The following AFG2A variants were observed in gnomAD, a reference collection of about 807,000 sequenced individuals.
AFG2A encodes the protein ATPase family gene 2 protein homolog A.
chr4:123,090,489 T>A, the AFG2A span: 3 of 1,391,370 alleles, frequency 2.2e-6, no homozygotes, highest in Non-Finnish European at 1.9e-6. Flanking sequence ...TGATTTCTCT[T>A]GTTATAGACT....
the AFG2A span, among the ~76,000 whole-genome samples, chr4:123,219,267 A>G: frequency 6.6e-6 from 1 of 152,248 alleles, no homozygotes; most frequent in Non-Finnish European, 1.5e-5. Context: ...CGTCTGACAC[A>G]GGTAGAAAGA....
At chr4:123,263,865 A>G in the AFG2A span, among the ~76,000 whole-genome samples, 1 of 152,164 alleles carries the variant, frequency 6.6e-6, no homozygotes, top group Admixed American at 6.5e-5. Flanking sequence ...GCTAGTATCT[A>G]CCCAGAGGAA....
the AFG2A span, among the ~76,000 whole-genome samples, chr4:123,145,831 A>T: frequency 6.6e-6 from 1 of 152,102 alleles, no homozygotes. Flanking sequence ...TGAAAACTGG[A>T]CTACGAACTT....
the AFG2A span, among the ~76,000 whole-genome samples, chr4:123,039,041 G>C: frequency 0.012 from 1,843 of 152,036 alleles, 42 homozygotes; most frequent in African/African-American, 0.041. Context: ...ATTGTACTTA[G>C]CAGAGAAAAA....
chr4:123,021,327 A>G, the AFG2A span, among the ~76,000 whole-genome samples: 5 of 151,820 alleles, frequency 3.3e-5, no homozygotes, highest in Non-Finnish European at 2.9e-5. Context: ...GAAGACAACA[A>G]GGTATATCTA....
chr4:123,143,819 A>G, the AFG2A span, among the ~76,000 whole-genome samples: 1 of 134,624 alleles, frequency 7.4e-6, no homozygotes. Flanking sequence ...GGATATGCAT[A>G]AACTTCTCTC....
At chr4:122,934,050 G>T in the AFG2A span, 1 of 1,496,512 alleles carries the variant, frequency 6.7e-7, no homozygotes, top group Non-Finnish European at 8.9e-7. Context: ...CATTAAACTG[G>T]TAAAAAAAAT....
chr4:122,998,659 G>A, the AFG2A span, among the ~76,000 whole-genome samples: 1 of 152,092 alleles, frequency 6.6e-6, no homozygotes, highest in African/African-American at 2.4e-5. Flanking sequence ...TTTTATGGCT[G>A]CATAGTATTC....
the AFG2A span, among the ~76,000 whole-genome samples, chr4:123,143,497 C>G: frequency 1.3e-5 from 2 of 151,982 alleles, no homozygotes; most frequent in Admixed American, 6.6e-5. Context: ...ATATATGGCT[C>G]TTATCCATTG....
chr4:123,185,320 G>A, the AFG2A span, among the ~76,000 whole-genome samples: 4 of 151,676 alleles, frequency 2.6e-5, no homozygotes, highest in Admixed American at 6.6e-5. Context: ...AGTATTCAAA[G>A]GTTCATAACA....
At chr4:123,318,316 G>A in the AFG2A span, 23 of 152,300 alleles carry the variant, frequency 1.5e-4, no homozygotes, top group African/African-American at 5.1e-4. Context: ...TTATGTCTGG[G>A]AATAAGACAT....
the AFG2A span, among the ~76,000 whole-genome samples, chr4:122,957,926 G>A: frequency 6.6e-6 from 1 of 152,172 alleles, no homozygotes; most frequent in African/African-American, 2.4e-5. Flanking sequence ...TATTTGATTA[G>A]TTGAAGAATA....
the AFG2A span, among the ~76,000 whole-genome samples, chr4:123,069,552 C>CCTT: frequency 6.6e-6 from 1 of 152,054 alleles, no homozygotes; most frequent in South Asian, 2.1e-4. Context: ...TTCAAGAAAC[C>CCTT]AAAGAAATAC....
chr4:123,169,870 G>A, the AFG2A span, among the ~76,000 whole-genome samples: 5 of 152,130 alleles, frequency 3.3e-5, no homozygotes, highest in Non-Finnish European at 7.4e-5. Flanking sequence ...ATAGATAAAC[G>A]TAACAGAGAG....
chr4:122,950,168 C>T, the AFG2A span, among the ~76,000 whole-genome samples: 2 of 152,096 alleles, frequency 1.3e-5, no homozygotes, highest in Non-Finnish European at 2.9e-5. Flanking sequence ...TGGTAAGCAG[C>T]GTGTCCACAG....
At chr4:123,163,860 C>T in the AFG2A span, among the ~76,000 whole-genome samples, 1 of 152,124 alleles carries the variant, frequency 6.6e-6, no homozygotes, top group Non-Finnish European at 1.5e-5. Context: ...TGTCCAGGCA[C>T]ACTTACTGTA....
At chr4:122,959,264 G>GT in the AFG2A span, among the ~76,000 whole-genome samples, 2 of 152,292 alleles carry the variant, frequency 1.3e-5, no homozygotes, top group African/African-American at 2.4e-5. Flanking sequence ...CCTCCCAGAA[G>GT]TTTTTTGTGA....
the AFG2A span, among the ~76,000 whole-genome samples, chr4:123,288,736 C>A: frequency 6.6e-6 from 1 of 152,128 alleles, no homozygotes; most frequent in Non-Finnish European, 1.5e-5. Flanking sequence ...ATAGAAGAGC[C>A]TTTGAAGGAC....
At chr4:123,178,870 A>G in the AFG2A span, among the ~76,000 whole-genome samples, 2 of 152,206 alleles carry the variant, frequency 1.3e-5, no homozygotes, top group Non-Finnish European at 2.9e-5. Context: ...TTAATTCCAC[A>G]TGCTCCTGTG....
Sources: allele counts gnomAD v4.1 joint callset (sites outside exome capture counted in the v4.1 genomes callset), GRCh38; gene constraint gnomAD v4.1.1; transcripts MANE v1.5; gene names NCBI Gene and HGNC (gene_info 2026-07-23, HGNC 2026-07-21).